VWA5B1: variants seen among roughly 807,000 people sequenced by gnomAD.
The protein encoded by VWA5B1 is von Willebrand factor A domain-containing protein 5B1.
VWA5B1 carries 115 observed loss-of-function variants against 118.2 expected under a neutral mutation model. The ratio of observed to expected loss-of-function variants is 0.97; its 90% CI spans 0.84 to 1.14. VWA5B1 has a LOEUF of 1.14. Ranked by LOEUF, VWA5B1 falls within the 50% of genes most tolerant of loss-of-function variation. VWA5B1 has a pLI of 0.00. For synonymous variants in VWA5B1, 682 were observed against 658.4 expected, an observed-to-expected ratio of 1.04 and a Z score of -0.55; for missense variants, 1,596 against 1,603.8, an observed-to-expected ratio of 1.00 and a Z score of 0.08.
At chr1:20,330,569 G>A (rs1014303432) in intron 10 of VWA5B1, among the ~76,000 whole-genome samples, 187 bp downstream of exon 10, 5 of 152,202 alleles carry the variant, frequency 3.3e-5, no homozygotes, top group Non-Finnish European at 7.3e-5. Flanking sequence ...GTTCTGAATG[G>A]GTGAGCTACC....
At chr1:20,346,324 G>A in intron 17 of VWA5B1, among the ~76,000 whole-genome samples, 1 of 152,210 alleles carries the variant, frequency 6.6e-6, no homozygotes, top group Non-Finnish European at 1.5e-5. Flanking sequence ...CAGCCGTGAT[G>A]GGCTGGAGCC....
intron 7 of VWA5B1, among the ~76,000 whole-genome samples, chr1:20,320,044 G>A (rs1238711245): frequency 6.6e-6 from 1 of 152,204 alleles, no homozygotes; most frequent in Non-Finnish European, 1.5e-5. Context: ...ATGGGAAAGG[G>A]AACGTTGGAG....
intron 1 of VWA5B1, among the ~76,000 whole-genome samples, chr1:20,292,934 G>A (rs2088339216): frequency 6.6e-6 from 1 of 152,208 alleles, no homozygotes; most frequent in Non-Finnish European, 1.5e-5. Flanking sequence ...CAGGCTCTGA[G>A]CAGCCTCCTC....
chr1:20,327,544 T>C (rs1420192745), intron 8 of VWA5B1, among the ~76,000 whole-genome samples: 1 of 152,004 alleles, frequency 6.6e-6, no homozygotes, highest in Non-Finnish European at 1.5e-5. Flanking sequence ...TCTCCCCACC[T>C]CTCAGGATCA....
At chr1:20,319,257 G>T in intron 6 of VWA5B1, 125 bp from the exon 7 acceptor site, 4 of 1,392,848 alleles carry the variant, frequency 2.9e-6, no homozygotes, top group Non-Finnish European at 3.9e-6. Context: ...AGGCAGCCAG[G>T]GCTTCCACCC....
At chr1:20,294,544 A>G (rs1485242101) in intron 1 of VWA5B1, among the ~76,000 whole-genome samples, 15 of 152,136 alleles carry the variant, frequency 9.9e-5, no homozygotes, top group Non-Finnish European at 1.8e-4. Context: ...CAATGGCATA[A>G]TCTCGGCTCA....
Position 20,332,769 on chromosome 1 carries a change from G to A in VWA5B1, c.1576G>A (p.Val526Ile). The A allele has an allele frequency of 1.3e-6, 2 of 1,551,600 alleles. No individual in the cohort carries two copies. The highest frequency in any genetic ancestry group is 1.7e-6 in the Non-Finnish European group (2 of 1,146,948). ...MEGERLQPKM[V>I]KSLKKAMAPV... ...GCATTCTGACCCTGCCCTACAGATGGTCAAATCCTTGAAGAAGGCCATGGC... is the reference window on the plus strand; with the variant it reads ...GCATTCTGACCCTGCCCTACAGATGATCAAATCCTTGAAGAAGGCCATGGC... Residue 526 changes from valine (V) to isoleucine (I), a missense_variant, in exon 12 of 22, where the codon GTC becomes ATC. By Grantham distance (29) the Val-to-Ile change is conservative. Transcript: ENST00000289815.
intron 15 of VWA5B1, among the ~76,000 whole-genome samples, chr1:20,342,828 T>C (rs1424447346): frequency 6.6e-6 from 1 of 152,162 alleles, no homozygotes; most frequent in Admixed American, 6.5e-5. Flanking sequence ...TCTGTGCCCC[T>C]GTCCCACCCC....
At chr1:20,316,910 T>C (rs1457912201) in intron 4 of VWA5B1, among the ~76,000 whole-genome samples, 1 of 151,464 alleles carries the variant, frequency 6.6e-6, no homozygotes, top group Non-Finnish European at 1.5e-5. Flanking sequence ...ATCTTAATAG[T>C]GGGAATGGAG....
intron 21 of VWA5B1, among the ~76,000 whole-genome samples, chr1:20,353,326 A>G (rs1005223150): frequency 3.9e-5 from 6 of 152,098 alleles, no homozygotes; most frequent in Non-Finnish European, 7.4e-5. Flanking sequence ...TGTAGGACAG[A>G]TGGATTGGGG....
intron 12 of VWA5B1, among the ~76,000 whole-genome samples, chr1:20,334,194 T>C (rs776093529): frequency 4.0e-4 from 61 of 152,176 alleles, no homozygotes; most frequent in Admixed American, 1.1e-3. Flanking sequence ...TTATGAAATG[T>C]TTTCAGAACT....
At chr1:20,326,214 TG>T (rs2089374584) in intron 8 of VWA5B1, among the ~76,000 whole-genome samples, 1 of 151,716 alleles carries the variant, frequency 6.6e-6, no homozygotes, top group Admixed American at 6.6e-5. Flanking sequence ...GTTTGCAGGG[TG>T]GGGGATGGGA....
At chr1:20,298,473 C>G (rs995071888) in intron 1 of VWA5B1, among the ~76,000 whole-genome samples, 1 of 151,736 alleles carries the variant, frequency 6.6e-6, no homozygotes, top group African/African-American at 2.4e-5. Context: ...CCTTGATTAG[C>G]TTTATCCCCA....
In VWA5B1 at chr1:20,357,537, G is replaced by A. The variant is rs2090251195; in HGVS notation, c.*3274G>A. Among the ~76,000 whole-genome samples, 1 of 152,214 alleles carries A rather than the reference G, an allele frequency of 6.6e-6. No individual in the cohort carries two copies. Among genetic ancestry groups the A allele is most frequent in the Non-Finnish European group, 1.5e-5 (1 of 68,038 alleles). On this transcript the variant is annotated 3_prime_UTR_variant, in exon 22 of 22. Transcript: ENST00000289815. ...AATGCTGGTCTAGATCTCTCTTAGGGCTCCTGCGGCACTGGCGTTCAGAAA... is the reference window on the plus strand; with the variant it reads ...AATGCTGGTCTAGATCTCTCTTAGGACTCCTGCGGCACTGGCGTTCAGAAA...
intron 9 of VWA5B1, among the ~76,000 whole-genome samples, chr1:20,328,560 G>A (rs181829867): frequency 6.6e-6 from 1 of 152,010 alleles, no homozygotes; most frequent in African/African-American, 2.4e-5. Context: ...AGGAAAGGAG[G>A]GAGGAAGGAC....
intron 7 of VWA5B1, among the ~76,000 whole-genome samples, chr1:20,321,124 A>C (rs1363792239): frequency 2.0e-5 from 3 of 152,008 alleles, no homozygotes; most frequent in Non-Finnish European, 2.9e-5. Flanking sequence ...AAAAAAAAAA[A>C]AAAAACACGA....
At position 20,329,481 on chromosome 1, in the gene VWA5B1, A is replaced by G. The variant is rs762686437; in HGVS notation, c.1255-699A>G. On this transcript the variant is annotated intron_variant, in intron 9 of 21. Transcript: ENST00000289815. The stretch of plus-strand genomic sequence containing the variant: ...GTACCACCACACTTAGCTAATTTTT[A>G]TATTTTTAATAAAGACAAGGTTTCA... 1.5e-4 allele frequency among the ~76,000 whole-genome samples: 22 copies of G among 151,656 alleles called. 1 individual carries two copies. Among genetic ancestry groups the G allele is most frequent in the Non-Finnish European group, 5.9e-5 (4 of 67,924 alleles).
intron 9 of VWA5B1, among the ~76,000 whole-genome samples, chr1:20,329,976 T>G (rs2089498958): frequency 2.0e-5 from 3 of 152,096 alleles, no homozygotes; most frequent in Admixed American, 6.5e-5. Flanking sequence ...GTTTCAGGCA[T>G]TGGTAGGGGG....
intron 1 of VWA5B1, among the ~76,000 whole-genome samples, chr1:20,295,584 A>G (rs1176175416): frequency 1.3e-5 from 2 of 152,122 alleles, no homozygotes; most frequent in East Asian, 3.9e-4. Flanking sequence ...TCTTCTCCCT[A>G]TTCCCATGAC....
Sources: gnomAD v4.1 joint callset for allele counts (sites outside exome capture counted in the v4.1 genomes callset) on GRCh38, gnomAD v4.1.1 for gene constraint, MANE v1.5 for transcripts, NCBI Gene and HGNC (gene_info 2026-07-23, HGNC 2026-07-21) for gene names.